REPS2: variants seen among roughly 807,000 people sequenced by gnomAD.
The protein encoded by REPS2 is ralBP1-associated Eps domain-containing protein 2.
In REPS2, 23 loss-of-function variants were observed where a neutral mutation model predicts 53.6. That is an observed-to-expected ratio of 0.43 (90% CI 0.31 to 0.61). The LOEUF (loss-of-function observed/expected upper bound fraction) is 0.61. REPS2 is among the 20% of genes least tolerant of loss of function. The pLI, the probability that REPS2 is intolerant of heterozygous loss-of-function variation, is 0.11. For missense variants in REPS2, 446 were observed against 534.9 expected, an observed-to-expected ratio of 0.83 and a Z score of 1.64; for synonymous variants, 238 against 218.6, an observed-to-expected ratio of 1.09 and a Z score of -0.78.
chrX:17,006,325 GA>G lies in REPS2; in HGVS notation c.379del (p.Ile127Ter). ...AAAQSGLPVR[I>X]ESIKCELPLP... Reference sequence around the variant, plus strand: ...CAGCACAATCTGGCCTCCCGGTACGGATAGAGAGTATTAAATGTGGTGAGTA... The same window carrying G: ...CAGCACAATCTGGCCTCCCGGTACGGTAGAGAGTATTAAATGTGGTGAGTA... On this transcript the variant is annotated frameshift_variant, in exon 2 of 18. Coordinates refer to ENST00000357277, the MANE Select transcript of REPS2 (RefSeq NM_004726.3). LOFTEE classifies it high-confidence loss of function. 1 of 1,210,376 alleles carries G rather than the reference GA, an allele frequency of 8.3e-7. No individual in the cohort carries two copies. Among genetic ancestry groups the G allele is most frequent in the Non-Finnish European group, 1.1e-6 (1 of 894,368 alleles).
At chrX:17,193,826 C>T in the REPS2 span, among the ~76,000 whole-genome samples, 1 of 111,550 alleles carries the variant, frequency 9.0e-6, no homozygotes, top group African/African-American at 3.3e-5. Context: ...TCACTGTCAC[C>T]TATTTATTTG....
At chrX:17,158,506 T>C in the REPS2 span, among the ~76,000 whole-genome samples, 5 of 111,841 alleles carry the variant, frequency 4.5e-5, no homozygotes, top group Non-Finnish European at 9.4e-5. Context: ...ATAAAGCTTC[T>C]AGAAGAATGC....
intron 14 of REPS2, among the ~76,000 whole-genome samples, chrX:17,121,430 GCTCA>G (rs1406653562): frequency 1.8e-5 from 2 of 112,454 alleles, no homozygotes; most frequent in Non-Finnish European, 3.8e-5. Flanking sequence ...TGTACCATCG[GCTCA>G]CTAACACTAG....
chrX:17,061,906 T>C (rs2062163436), intron 8 of REPS2, among the ~76,000 whole-genome samples: 1 of 112,701 alleles, frequency 8.9e-6, no homozygotes, highest in South Asian at 3.6e-4. Context: ...ATTTATGCTC[T>C]TATTTTTATC....
chrX:17,095,736 C>G (rs1266029232), intron 13 of REPS2, among the ~76,000 whole-genome samples: 2 of 110,912 alleles, frequency 1.8e-5, no homozygotes, highest in Non-Finnish European at 3.8e-5. Context: ...AGGGTCTTGT[C>G]AAAGTATGCC....
chrX:17,042,532 A>G (rs1249977071), intron 5 of REPS2, among the ~76,000 whole-genome samples: 3 of 110,971 alleles, frequency 2.7e-5, no homozygotes, highest in Non-Finnish European at 5.7e-5. Context: ...TACCAAACAG[A>G]CTCATAGGCT....
intron 2 of REPS2, among the ~76,000 whole-genome samples, chrX:17,021,639 C>G (rs1177922210): frequency 8.9e-6 from 1 of 112,611 alleles, no homozygotes; most frequent in Non-Finnish European, 1.9e-5. Context: ...GGGGACATTA[C>G]TTAGCTCCTT....
At position 17,047,395 on chromosome X, in the gene REPS2, G is replaced by C; in HGVS notation, c.820G>C (p.Glu274Gln). The C allele has an allele frequency of 8.3e-7, 1 of 1,210,442 alleles. No individual in the cohort carries two copies. The highest frequency in any genetic ancestry group is 1.1e-6 in the Non-Finnish European group (1 of 894,599). Reference protein sequence around the residue: ...ELQDNSSYPDEPWRITEEQRE... With the variant: ...ELQDNSSYPDQPWRITEEQRE... ...ACAGGATAACAGCAGTTACCCCGAC[G>C]AACCCTGGAGGATAACAGAAGAACA... Residue 274 changes from glutamate (E) to glutamine (Q), a missense_variant, in exon 6 of 18, where the codon GAA (glutamate) becomes CAA (glutamine). Glu to Gln is a conservative substitution (Grantham distance 29). Coordinates refer to ENST00000357277, the MANE Select transcript of REPS2 (RefSeq NM_004726.3).
At chrX:16,999,681 T>G (rs1235226352) in intron 1 of REPS2, among the ~76,000 whole-genome samples, 1 of 112,047 alleles carries the variant, frequency 8.9e-6, no homozygotes, top group Admixed American at 9.5e-5. Flanking sequence ...TGGATTGTTA[T>G]GTGTTCACAA....
At chrX:17,137,128 A>C (rs1236422177) in intron 16 of REPS2, 1 of 111,868 alleles carries the variant, frequency 8.9e-6, no homozygotes, top group Non-Finnish European at 1.9e-5. Context: ...GTGGACTTAC[A>C]TTTTCATTTC....
At chrX:17,171,005 C>T in the REPS2 span, among the ~76,000 whole-genome samples, 1 of 113,002 alleles carries the variant, frequency 8.8e-6, no homozygotes, top group Non-Finnish European at 1.9e-5. Flanking sequence ...ATCCTTGACT[C>T]CATCTGTCTG....
Position 17,152,072 on chromosome X carries a change from G to C in REPS2, c.*4591G>C. On this transcript the variant is annotated 3_prime_UTR_variant, in exon 18 of 18. Transcript: ENST00000357277. ...CTCTGTGAGCCACCCTGCTTCGCTT[G>C]TTTGTAAGGAGAAATGCATCTGGTT... The C allele has an allele frequency of 9.0e-6, 1 of 111,284 alleles. No individual in the cohort carries two copies. Among genetic ancestry groups the C allele is most frequent in the Non-Finnish European group, 1.9e-5 (1 of 53,082 alleles). 9.2% of individuals were successfully genotyped at this position (111,284 alleles called of 1,213,427 possible).
At position 17,062,280 on chromosome X, in the gene REPS2, A is replaced by G. The variant is rs191470166; in HGVS notation, c.1115-158A>G. Among the ~76,000 whole-genome samples the G allele has an allele frequency of 2.5e-3, 282 of 112,262 alleles. 2 individuals carry two copies. Among genetic ancestry groups the G allele is most frequent in the African/African-American group, 8.4e-3 (261 of 30,914 alleles). On this transcript the variant is annotated intron_variant, in intron 8 of 17. Coordinates refer to ENST00000357277, the MANE Select transcript of REPS2 (RefSeq NM_004726.3). Reference sequence around the variant, plus strand: ...AAGTACTGGGTTGTCCATATAAAGAACTGAAAGTACTACCTCAGCATGATG... The same window carrying G: ...AAGTACTGGGTTGTCCATATAAAGAGCTGAAAGTACTACCTCAGCATGATG...
chrX:16,981,519 G>A (rs1273936814), intron 1 of REPS2, among the ~76,000 whole-genome samples: 1 of 112,896 alleles, frequency 8.9e-6, no homozygotes, highest in Non-Finnish European at 1.9e-5. Flanking sequence ...CACATAAGGA[G>A]TGGGGAGTTG....
chrX:17,016,029 C>A (rs749341012), intron 2 of REPS2, among the ~76,000 whole-genome samples: 2 of 111,894 alleles, frequency 1.8e-5, no homozygotes, highest in African/African-American at 6.5e-5. Context: ...GTCCCACCAA[C>A]AGTGTAAAAG....
rs1278889215 is a variant in REPS2, at chrX:17,148,217, A to G, written c.*736A>G. The G allele has an allele frequency of 8.9e-6, 1 of 112,525 alleles. No homozygotes were observed. The highest frequency in any genetic ancestry group is 1.9e-5 in the Non-Finnish European group (1 of 53,286). 9.3% of individuals were successfully genotyped at this position (112,525 alleles called of 1,213,427 possible). ...TCAACCCAGACAACTCAGTCCTTTC[A>G]TGTAAATTTTTGGGCAAGAGAAGTC... On this transcript the variant is annotated 3_prime_UTR_variant, in exon 18 of 18. Transcript: ENST00000357277.
At chrX:17,154,541 A>G (rs768268338), downstream of REPS2, among the ~76,000 whole-genome samples, 1 of 112,236 alleles carries the variant, frequency 8.9e-6, no homozygotes, top group African/African-American at 3.2e-5. Context: ...TCACCTCACC[A>G]TCCAGGGTGG....
At chrX:17,036,549 A>T (rs1033040770) in intron 5 of REPS2, among the ~76,000 whole-genome samples, 3 of 111,493 alleles carry the variant, frequency 2.7e-5, no homozygotes, top group South Asian at 3.8e-4. Flanking sequence ...CTGGCACCTG[A>T]GGCTCTCGAA....
intron 14 of REPS2, among the ~76,000 whole-genome samples, chrX:17,120,842 A>G (rs1408426882): frequency 8.9e-6 from 1 of 112,134 alleles, no homozygotes; most frequent in East Asian, 2.8e-4. Context: ...AGAGGCACGC[A>G]TAGCGCATCT....
Sources: allele counts gnomAD v4.1 joint callset (sites outside exome capture counted in the v4.1 genomes callset), GRCh38; gene constraint gnomAD v4.1.1; transcripts MANE v1.5; gene names NCBI Gene and HGNC (gene_info 2026-07-23, HGNC 2026-07-21).